NVL: variants seen among roughly 807,000 people sequenced by gnomAD.
NVL encodes nuclear valosin-containing protein-like.
A neutral mutation model predicts 110.2 loss-of-function variants in NVL; 84 were observed. That is an observed-to-expected ratio of 0.76 (90% CI 0.64 to 0.91). The LOEUF is 0.91. Among genes scored for constraint, NVL ranks in the 40% least tolerant of loss-of-function variants. NVL has a pLI of 0.00. For missense variants in NVL, 882 were observed against 1,035.9 expected (o/e 0.85, Z 2.04); for synonymous variants, 354 against 361.1 (o/e 0.98, Z 0.22).
At chr1:224,328,076 T>C (rs1390180878) in intron 1 of NVL, among the ~76,000 whole-genome samples, 2 of 151,902 alleles carry the variant, frequency 1.3e-5, no homozygotes, top group African/African-American at 4.8e-5. Flanking sequence ...TTCCCCCCCC[T>C]TTTTTTTAGT....
chr1:224,317,722 T>C lies in NVL; in HGVS notation c.256A>G (p.Arg86Gly). ...TELEDEHLAK[R>G]ARQGEEDNEY... Reference sequence around the variant, plus strand: ...TTATCCTCTTCACCTTGTCTTGCCCTTTTTGCCAAATGTTCATCTTCTAAT... The same window carrying C: ...TTATCCTCTTCACCTTGTCTTGCCCCTTTTGCCAAATGTTCATCTTCTAAT... The change falls in exon 4 of 23, where the codon AGG becomes GGG. Residue 86 changes from arginine (R) to glycine (G), a missense_variant. Arg to Gly is a moderately radical substitution (Grantham distance 125, BLOSUM62 -2). Coordinates refer to ENST00000281701, the MANE Select transcript of NVL (RefSeq NM_002533.4). 6.2e-7 allele frequency: 1 copy of C among 1,606,558 alleles called. No homozygotes were observed. The highest frequency in any genetic ancestry group is 8.5e-7 in the Non-Finnish European group (1 of 1,173,546).
intron 18 of NVL, among the ~76,000 whole-genome samples, chr1:224,255,088 T>A (rs1326205343): frequency 1.3e-5 from 2 of 151,510 alleles, no homozygotes; most frequent in Non-Finnish European, 2.9e-5. Flanking sequence ...GCTAGGATGG[T>A]CTCGATCTCC....
chr1:224,234,531 C>G (rs1243903296), intron 20 of NVL, among the ~76,000 whole-genome samples: 1 of 151,784 alleles, frequency 6.6e-6, no homozygotes, highest in African/African-American at 2.4e-5. Flanking sequence ...TGGCTCACCG[C>G]AACCTCTGCG....
At chr1:224,312,819 TA>T (rs35580031) in intron 4 of NVL, 155 of 65,402 alleles carry the variant, frequency 2.4e-3, no homozygotes, top group African/African-American at 6.2e-3. Context: ...AGACTCTGCC[TA>T]AAAAAAAAAA....
At chr1:224,234,009 G>A (rs1406573634) in intron 20 of NVL, among the ~76,000 whole-genome samples, 2 of 151,962 alleles carry the variant, frequency 1.3e-5, no homozygotes. Context: ...GAGCCTGGGT[G>A]ACAGAGTGAG....
At chr1:224,248,978 T>A (rs927564897) in intron 19 of NVL, among the ~76,000 whole-genome samples, 1 of 152,168 alleles carries the variant, frequency 6.6e-6, no homozygotes, top group Non-Finnish European at 1.5e-5. Context: ...CGGGTCCAGG[T>A]ACAAGTGATT....
chr1:224,272,295 A>G (rs1044359018), intron 17 of NVL, among the ~76,000 whole-genome samples: 5 of 151,966 alleles, frequency 3.3e-5, no homozygotes, highest in African/African-American at 1.2e-4. Context: ...CGAAGAGCTG[A>G]GATCGCGCCA....
chr1:224,286,105 A>C lies in NVL; in HGVS notation c.1820T>G (p.Phe607Cys). Residue 607 changes from phenylalanine to cysteine, a missense_variant, in exon 15 of 23, where the codon TTC (phenylalanine) becomes TGC (cysteine). Physicochemically the swap from Phe to Cys is radical, Grantham distance 205. Transcript: ENST00000281701. ...ILAPVRNPDQ[F>C]KALGLVTPAG... is the part of the protein sequence containing the mutation. ...TGGAGTCACCAATCCAAGAGCTTTG[A>C]ACTGGTCTGGGTTGCGTACTGGTGC... The C allele has an allele frequency of 6.2e-7, 1 of 1,614,126 alleles. No individual in the cohort carries two copies.
intron 15 of NVL, among the ~76,000 whole-genome samples, chr1:224,281,457 C>T (rs1437078674): frequency 4.6e-5 from 7 of 151,620 alleles, no homozygotes; most frequent in African/African-American, 1.2e-4. Context: ...CCCGCCACCA[C>T]GCCCGGCTAA....
chr1:224,268,164 T>C, intron 17 of NVL, 31 bp from the exon 18 acceptor site: 1 of 1,479,772 alleles, frequency 6.8e-7, no homozygotes, highest in Non-Finnish European at 9.4e-7. Flanking sequence ...TTCCATCAGC[T>C]CTCAATACAA....
intron 17 of NVL, 60 bp downstream of exon 17, chr1:224,275,279 A>C (rs1665642839): frequency 4.4e-6 from 7 of 1,597,710 alleles, no homozygotes; most frequent in Non-Finnish European, 6.0e-6. Context: ...CCTGGCTTGG[A>C]ACATAGAAAA....
At chr1:224,242,487 C>CTTTTT (rs11385074) in intron 19 of NVL, among the ~76,000 whole-genome samples, 5 of 128,344 alleles carry the variant, frequency 3.9e-5, no homozygotes, top group Non-Finnish European at 4.7e-5. Flanking sequence ...CAAATCTATT[C>CTTTTT]TTTTTTTTTT....
At chr1:224,278,539 C>T (rs1046915305) in intron 16 of NVL, among the ~76,000 whole-genome samples, 1 of 152,004 alleles carries the variant, frequency 6.6e-6, no homozygotes, top group African/African-American at 2.4e-5. Context: ...CCCAGATCAT[C>T]TAATCTTTCA....
At chr1:224,328,536 T>A (rs1450985020) in intron 1 of NVL, among the ~76,000 whole-genome samples, 1 of 151,542 alleles carries the variant, frequency 6.6e-6, no homozygotes, top group African/African-American at 2.4e-5. Flanking sequence ...AAAAGCAGAA[T>A]CAGAGAGATC....
intron 15 of NVL, among the ~76,000 whole-genome samples, chr1:224,283,468 C>G (rs375392556): frequency 6.6e-6 from 1 of 151,914 alleles, no homozygotes; most frequent in Non-Finnish European, 1.5e-5. Flanking sequence ...GCCTGGGTGA[C>G]AGCAAGACTC....
rs551741011 is a variant in NVL at position 224,227,535 on chromosome 1, T to C, written c.*91A>G. 2.8e-5 allele frequency: 31 copies of C among 1,126,232 alleles called. No homozygotes were observed. The South Asian group carries it at 4.6e-4, about 17-fold the overall frequency. The allele number at this position is 1,126,232 out of a possible 1,614,324, so 69.8% of individuals were successfully genotyped here. A position where few individuals can be genotyped will look rare whatever the true frequency, so the allele number is the denominator to read the frequency against. ...TAAAATGTTTACATGAGGCCGCGCC[T>C]GTGTCCAGCTGAAAGTGGGTCCTTC... On this transcript the variant is annotated 3_prime_UTR_variant, in exon 23 of 23. Transcript: ENST00000281701.
At position 224,289,583 on chromosome 1, in the gene NVL, CTTCA is replaced by C; in HGVS notation, c.1472_1475del (p.Met491SerfsTer44). The stretch of plus-strand genomic sequence containing the variant: ...GATTTTTCTTCTGCTGTTCCTGTAG[CTTCA>C]TTAAGACTCTATTGACTGCACACAT... On this transcript the variant is annotated frameshift_variant, in exon 13 of 23. Coordinates refer to ENST00000281701, the MANE Select transcript of NVL (RefSeq NM_002533.4). LOFTEE classifies it high-confidence loss of function. 1 of 1,614,224 alleles carries C rather than the reference CTTCA, an allele frequency of 6.2e-7. No homozygotes were observed. The highest frequency in any genetic ancestry group is 8.5e-7 in the Non-Finnish European group (1 of 1,180,034).
chr1:224,324,646 T>C (rs969246140), intron 2 of NVL, among the ~76,000 whole-genome samples: 2 of 152,204 alleles, frequency 1.3e-5, no homozygotes, highest in Non-Finnish European at 2.9e-5. Flanking sequence ...GTTCCCCAAG[T>C]TGGTCTTGAA....
chr1:224,244,820 C>T (rs879708639), intron 19 of NVL, among the ~76,000 whole-genome samples: 5 of 149,418 alleles, frequency 3.3e-5, no homozygotes, highest in Admixed American at 6.7e-5. Flanking sequence ...CCTGAGTAGC[C>T]GGGACTACAG....
Sources: allele counts gnomAD v4.1 joint callset (sites outside exome capture counted in the v4.1 genomes callset), GRCh38; gene constraint gnomAD v4.1.1; transcripts MANE v1.5; gene names NCBI Gene and HGNC (gene_info 2026-07-23, HGNC 2026-07-21).